TAOK1: variants seen among roughly 807,000 people sequenced by gnomAD.
TAOK1 encodes TAO kinase 1, also known as serine/threonine-protein kinase TAO1.
In TAOK1, 21 loss-of-function variants were observed where a neutral mutation model predicts 138.3. The ratio of observed to expected loss-of-function variants is 0.15; its 90% CI spans 0.11 to 0.22. The LOEUF is 0.22. Among genes scored for constraint, TAOK1 ranks in the 10% least tolerant of loss-of-function variants. The pLI, the probability that TAOK1 is intolerant of heterozygous loss-of-function variation, is 1.00. For missense variants in TAOK1, 651 were observed against 1,227.7 expected (o/e 0.53, Z 7.02); for synonymous variants, 361 against 398.4 (o/e 0.91, Z 1.12).
intron 1 of TAOK1, among the ~76,000 whole-genome samples, chr17:29,433,355 C>G (rs111991748): frequency 0.012 from 1,796 of 149,928 alleles, 31 homozygotes; most frequent in African/African-American, 0.041. Context: ...TGCTTGAACC[C>G]GGGAGTGGAT....
At chr17:29,411,716 A>G (rs1905149271) in intron 1 of TAOK1, among the ~76,000 whole-genome samples, 1 of 152,108 alleles carries the variant, frequency 6.6e-6, no homozygotes, top group Non-Finnish European at 1.5e-5. Flanking sequence ...TCTATATCAT[A>G]ATCTGGCAAC....
At chr17:29,453,468 C>T (rs1462924914) in intron 2 of TAOK1, among the ~76,000 whole-genome samples, 1 of 152,102 alleles carries the variant, frequency 6.6e-6, no homozygotes, top group Non-Finnish European at 1.5e-5. Flanking sequence ...CCAGGCTGGT[C>T]TCAAACTCCT....
intron 18 of TAOK1, chr17:29,530,844 C>T (rs1180096993): frequency 3.5e-6 from 2 of 563,978 alleles, no homozygotes; most frequent in Non-Finnish European, 6.3e-6. Context: ...TAAATAGGCT[C>T]CCTGCCAGCA....
At chr17:29,538,222 G>A (rs905579249) in intron 19 of TAOK1, among the ~76,000 whole-genome samples, 1 of 151,910 alleles carries the variant, frequency 6.6e-6, no homozygotes, top group Non-Finnish European at 1.5e-5. Flanking sequence ...TGTTTATGGT[G>A]TGTTGAACAA....
intron 2 of TAOK1, among the ~76,000 whole-genome samples, chr17:29,462,993 G>GT (rs1318851891): frequency 6.6e-6 from 1 of 151,950 alleles, no homozygotes; most frequent in East Asian, 1.9e-4. Flanking sequence ...TCTACACAGT[G>GT]TTTTATTATG....
rs149550134 is a variant in TAOK1 at position 29,543,968 on chromosome 17, T to G, written c.*946T>G. The G allele has an allele frequency of 6.6e-6, 1 of 152,362 alleles. No individual in the cohort carries two copies. The highest frequency in any genetic ancestry group is 6.6e-5 in the Admixed American group (1 of 15,258). 9.4% of individuals were successfully genotyped at this position (152,362 alleles called of 1,614,324 possible). A position where few individuals can be genotyped will look rare whatever the true frequency, so the allele number is the denominator to read the frequency against. ...ACGTGTCCTGACGTTTTGTTGCTTA[T>G]ACTGTGATATCTCATCCTAGCTAAG... is the stretch of plus-strand genomic sequence containing the variant. On this transcript the variant is annotated 3_prime_UTR_variant, in exon 20 of 20. Transcript: ENST00000261716.
At chr17:29,470,068 A>G (rs943549125) in intron 3 of TAOK1, among the ~76,000 whole-genome samples, 1 of 152,198 alleles carries the variant, frequency 6.6e-6, no homozygotes, top group African/African-American at 2.4e-5. Context: ...CAAATCAGTG[A>G]TAAAACTTAA....
intron 1 of TAOK1, among the ~76,000 whole-genome samples, chr17:29,398,676 T>C (rs1904738103): frequency 6.6e-6 from 1 of 152,006 alleles, no homozygotes; most frequent in South Asian, 2.1e-4. Flanking sequence ...ATTATAGGCA[T>C]GTGCCACCAT....
intron 1 of TAOK1, among the ~76,000 whole-genome samples, chr17:29,437,687 A>G (rs1906075718): frequency 6.6e-6 from 1 of 151,530 alleles, no homozygotes; most frequent in African/African-American, 2.4e-5. Flanking sequence ...TTCAATTCTG[A>G]TAAAGTGAAG....
At position 29,534,742 on chromosome 17, in the gene TAOK1, G is replaced by A. The variant is rs144593677; in HGVS notation, c.2544+442G>A. 3.9e-4 allele frequency among the ~76,000 whole-genome samples: 59 copies of A among 152,308 alleles called. No individual in the cohort carries two copies. The East Asian group carries it at 9.1e-3, about 23-fold the overall frequency. Reference sequence around the variant, plus strand: ...ACCTTACTCATACATCCTTGGCCTGGAGCTATACAGATTGGTAGAGGATTA... The same window carrying A: ...ACCTTACTCATACATCCTTGGCCTGAAGCTATACAGATTGGTAGAGGATTA... On this transcript the variant is annotated intron_variant, in intron 19 of 19. Coordinates refer to ENST00000261716, the MANE Select transcript of TAOK1 (RefSeq NM_020791.4).
chr17:29,508,608 G>A (rs1169176063), intron 14 of TAOK1, among the ~76,000 whole-genome samples: 1 of 152,056 alleles, frequency 6.6e-6, no homozygotes, highest in Non-Finnish European at 1.5e-5. Context: ...CTATCATTAG[G>A]TGATTTAGGT....
At position 29,487,463 on chromosome 17, in the gene TAOK1, A is replaced by G. The variant is rs550172299; in HGVS notation, c.656-2201A>G. Among the ~76,000 whole-genome samples, 5 of 152,200 alleles carry G rather than the reference A, an allele frequency of 3.3e-5. No individual in the cohort carries two copies. The South Asian group carries it at 1.0e-3, about 32-fold the overall frequency. On this transcript the variant is annotated intron_variant, in intron 8 of 19. Coordinates refer to ENST00000261716, the MANE Select transcript of TAOK1 (RefSeq NM_020791.4). ...TATTATGTACATGTATATATTCCCA[A>G]CTCTGTTCATTGAGCGTGTCTGAGA... is the stretch of plus-strand genomic sequence containing the variant.
In TAOK1 at chr17:29,543,630, C is replaced by T. The variant is rs936684265; in HGVS notation, c.*608C>T. 9 of 152,534 alleles carry T rather than the reference C, an allele frequency of 5.9e-5. No individual in the cohort carries two copies. The highest frequency in any genetic ancestry group is 1.9e-4 in the African/African-American group (8 of 41,422). 9.4% of individuals were successfully genotyped at this position (152,534 alleles called of 1,614,324 possible). On this transcript the variant is annotated 3_prime_UTR_variant, in exon 20 of 20. Coordinates refer to ENST00000261716, the MANE Select transcript of TAOK1 (RefSeq NM_020791.4). Reference sequence around the variant, plus strand: ...AGAAATCCATGAACACATTGCTTCTCGGCCTTTTGGCTAAGATCAAGTGTA... The same window carrying T: ...AGAAATCCATGAACACATTGCTTCTTGGCCTTTTGGCTAAGATCAAGTGTA...
intron 1 of TAOK1, among the ~76,000 whole-genome samples, chr17:29,436,871 T>C (rs1213429874): frequency 1.3e-5 from 2 of 152,116 alleles, no homozygotes; most frequent in Non-Finnish European, 2.9e-5. Context: ...TCAGGGGCCC[T>C]CTGAAGTATC....
chr17:29,460,412 G>A (rs1189173961), intron 2 of TAOK1, among the ~76,000 whole-genome samples: 1 of 152,022 alleles, frequency 6.6e-6, no homozygotes, highest in Non-Finnish European at 1.5e-5. Flanking sequence ...GGCTGGTCTC[G>A]AACTCCTGAC....
intron 19 of TAOK1, among the ~76,000 whole-genome samples, chr17:29,541,138 CTCAG>C (rs1461874022): frequency 6.6e-6 from 1 of 151,924 alleles, no homozygotes; most frequent in East Asian, 1.9e-4. Context: ...GAGATGGAGT[CTCAG>C]TCTGTCGCCG....
chr17:29,531,794 T>G (rs2032116195), intron 18 of TAOK1, among the ~76,000 whole-genome samples: 1 of 151,108 alleles, frequency 6.6e-6, no homozygotes, highest in Non-Finnish European at 1.5e-5. Context: ...GATAAGACTT[T>G]TTAGGCAGGA....
chr17:29,526,440 T>G (rs1443582712), intron 17 of TAOK1, among the ~76,000 whole-genome samples: 1 of 152,126 alleles, frequency 6.6e-6, no homozygotes, highest in African/African-American at 2.4e-5. Context: ...TGTTTTTGTT[T>G]GTTTTCACTG....
In TAOK1 at chr17:29,542,769, C is replaced by T. The variant is rs2032340769; in HGVS notation, c.2753C>T (p.Pro918Leu). Residue 918 changes from proline (P) to leucine (L), a missense_variant, in exon 20 of 20, where the codon CCA becomes CTA. Coordinates refer to ENST00000261716, the MANE Select transcript of TAOK1 (RefSeq NM_020791.4). Reference sequence around the variant, plus strand: ...TGGTCACACAACCCTACTGGGGGTCCAGGACCTCACTGGGGTCATCCCATG... The same window carrying T: ...TGGTCACACAACCCTACTGGGGGTCTAGGACCTCACTGGGGTCATCCCATG... Reference protein sequence around the residue: ...SGWSHNPTGGPGPHWGHPMGG... With the variant: ...SGWSHNPTGGLGPHWGHPMGG... The T allele has an allele frequency of 6.2e-7, 1 of 1,614,204 alleles. No homozygotes were observed.
Sources: gnomAD v4.1 joint callset for allele counts (sites outside exome capture counted in the v4.1 genomes callset) on GRCh38, gnomAD v4.1.1 for gene constraint, MANE v1.5 for transcripts, NCBI Gene and HGNC (gene_info 2026-07-23, HGNC 2026-07-21) for gene names.